Variants in COL4A6 observed in about 807,000 individuals in gnomAD.
The protein encoded by COL4A6 is collagen type IV alpha 6 chain.
In COL4A6, 59 loss-of-function variants were observed where a neutral mutation model predicts 126.7. The observed-to-expected ratio is 0.47, with a 90% CI of 0.38 to 0.58. The LOEUF (loss-of-function observed/expected upper bound fraction) is 0.58, where lower values mean the gene tolerates loss of function less well. COL4A6 is among the 20% of genes least tolerant of loss of function. The probability of loss-of-function intolerance (pLI) is 0.00; values close to 1 mark genes in which losing one functional copy is unlikely to be tolerated. For missense variants in COL4A6, 1,285 were observed against 1,337.3 expected (o/e 0.96, Z 0.61); for synonymous variants, 547 against 496.6 (o/e 1.10, Z -1.35).
intron 2 of COL4A6, among the ~76,000 whole-genome samples, chrX:108,369,831 A>C (rs754502324): frequency 1.3e-3 from 147 of 112,457 alleles, no homozygotes; most frequent in African/African-American, 4.4e-3. Flanking sequence ...CTTTGTCACA[A>C]CTTCTCAACT....
chrX:108,182,268 C>T (rs752312487), intron 23 of COL4A6, among the ~76,000 whole-genome samples: 12 of 112,550 alleles, frequency 1.1e-4, no homozygotes, highest in Admixed American at 1.9e-4. Flanking sequence ...CAGTGTCTAG[C>T]ACTCTGGTAC....
At chrX:108,291,231 T>A (rs1054567786) in intron 3 of COL4A6, among the ~76,000 whole-genome samples, 1 of 112,276 alleles carries the variant, frequency 8.9e-6, no homozygotes, top group African/African-American at 3.2e-5. Context: ...TGGTCTTCTC[T>A]TTCTCTGCAT....
intron 2 of COL4A6, among the ~76,000 whole-genome samples, chrX:108,401,300 T>C (rs1159532185): frequency 1.8e-5 from 2 of 111,047 alleles, no homozygotes; most frequent in Non-Finnish European, 3.8e-5. Flanking sequence ...AAAGTGTTAA[T>C]CACAGTATTA....
chrX:108,188,625 G>C lies in COL4A6; in HGVS notation c.1479C>G (p.Pro493=). 8.4e-7 allele frequency: 1 copy of C among 1,193,739 alleles called. No homozygotes were observed. The highest frequency in any genetic ancestry group is 1.9e-5 in the South Asian group (1 of 52,991). ...CDGGVPNTGP[P]GEPGPPGPWG... ...ATGGACCAGGTGGGCCTGGTTCCCC[G>C]GGTGGTCCAGTGTTGGGAACACCAC... The change falls in exon 21 of 45, where the codon CCC becomes CCG. Residue 493 remains proline, a synonymous_variant. Coordinates refer to ENST00000334504, the MANE Select transcript of COL4A6 (RefSeq NM_033641.4).
chrX:108,375,959 T>A (rs1054054557), intron 2 of COL4A6, among the ~76,000 whole-genome samples: 7 of 111,712 alleles, frequency 6.3e-5, no homozygotes, highest in African/African-American at 2.3e-4. Context: ...CCTTTTGTTA[T>A]CTACATAAAC....
At position 108,271,250 on chromosome X, in the gene COL4A6, TA is replaced by T. The variant is rs764268119; in HGVS notation, c.144+39497del. On this transcript the variant is annotated intron_variant, in intron 3 of 44. Coordinates refer to ENST00000334504, the MANE Select transcript of COL4A6 (RefSeq NM_033641.4). ...ACCAGCCACAAGCTTCATTAACCAA[TA>T]AACTCTTGATGGAAAGCAGGATCTC... Among the ~76,000 whole-genome samples, 6 of 111,459 alleles carry T rather than the reference TA, an allele frequency of 5.4e-5. No individual in the cohort carries two copies. In the South Asian group the frequency reaches 2.3e-3, roughly 42 times the overall value.
At chrX:108,158,206 G>A (rs2033801748) in intron 44 of COL4A6, among the ~76,000 whole-genome samples, 1 of 112,894 alleles carries the variant, frequency 8.9e-6, no homozygotes, top group Admixed American at 9.3e-5. Context: ...GATGAATCAG[G>A]CTTGTCATTG....
Position 108,392,067 on chromosome X carries a change from T to C in COL4A6, c.63+45875A>G, listed in dbSNP as rs1403897153. Among the ~76,000 whole-genome samples, 6 of 112,176 alleles carry C rather than the reference T, an allele frequency of 5.3e-5. No homozygotes were observed. In the South Asian group the frequency reaches 1.9e-3, roughly 35 times the overall value. On this transcript the variant is annotated intron_variant, in intron 2 of 44. Transcript: ENST00000334504. ...GGCGTGGAACAACTGGATATCCACATGCAAGAGAATGAACTCGGACTGCTA... is the reference window on the plus strand; with the variant it reads ...GGCGTGGAACAACTGGATATCCACACGCAAGAGAATGAACTCGGACTGCTA...
chrX:108,386,580 A>G (rs887737678), intron 2 of COL4A6, among the ~76,000 whole-genome samples: 2 of 111,319 alleles, frequency 1.8e-5, no homozygotes, highest in Non-Finnish European at 3.8e-5. Context: ...TTTTCTTGTA[A>G]AATTGTTTAC....
At chrX:108,185,937 A>G (rs1203651582) in intron 23 of COL4A6, among the ~76,000 whole-genome samples, 1 of 112,330 alleles carries the variant, frequency 8.9e-6, no homozygotes, top group Non-Finnish European at 1.9e-5. Flanking sequence ...ACTCCAGGAA[A>G]AGGCAACATG....
chrX:108,253,834 G>C (rs2147686656), intron 3 of COL4A6, among the ~76,000 whole-genome samples: 1 of 111,576 alleles, frequency 9.0e-6, no homozygotes, highest in East Asian at 2.8e-4. Context: ...AGGATTTGTG[G>C]GTTCCTATGG....
intron 2 of COL4A6, among the ~76,000 whole-genome samples, chrX:108,437,556 T>C (rs1413141098): frequency 1.8e-5 from 2 of 111,604 alleles, no homozygotes; most frequent in Non-Finnish European, 3.8e-5. Flanking sequence ...GTTCCACTCC[T>C]TGTGCTCTCC....
intron 18 of COL4A6, 96 bp from the exon 19 acceptor site, chrX:108,191,629 GA>G: frequency 1.0e-6 from 1 of 998,115 alleles, no homozygotes; most frequent in Non-Finnish European, 1.4e-6. Flanking sequence ...ATCCAAGGAA[GA>G]ATTTAGGGAA....
Position 108,327,184 on chromosome X carries a change from C to A in COL4A6, c.64-16356G>T, listed in dbSNP as rs1375539703. On this transcript the variant is annotated intron_variant, in intron 2 of 44. Transcript: ENST00000334504. ...GTCAGATGAGTGGTGGCATTAGATT[C>A]TCATAGGATCACAAATCCTATTGAA... Among the ~76,000 whole-genome samples the A allele has an allele frequency of 3.6e-5, 4 of 110,662 alleles. No individual in the cohort carries two copies. In the East Asian group the frequency reaches 1.1e-3, roughly 31 times the overall value.
intron 3 of COL4A6, among the ~76,000 whole-genome samples, chrX:108,247,813 A>G (rs2036753134): frequency 9.0e-6 from 1 of 111,497 alleles, no homozygotes; most frequent in Non-Finnish European, 1.9e-5. Context: ...AACTTCCTAA[A>G]AGATTAAAGA....
At chrX:108,333,315 T>C (rs757326322) in intron 2 of COL4A6, among the ~76,000 whole-genome samples, 1 of 110,905 alleles carries the variant, frequency 9.0e-6, no homozygotes, top group African/African-American at 3.3e-5. Flanking sequence ...AAAACAAAAA[T>C]CATATAATCA....
intron 2 of COL4A6, among the ~76,000 whole-genome samples, chrX:108,403,595 G>A (rs977102989): frequency 1.8e-5 from 2 of 110,349 alleles, no homozygotes; most frequent in Non-Finnish European, 3.8e-5. Flanking sequence ...TAATAAATGC[G>A]TTGTTCAATT....
chrX:108,394,184 C>G (rs755545080), intron 2 of COL4A6, among the ~76,000 whole-genome samples: 105 of 110,917 alleles, frequency 9.5e-4, no homozygotes, highest in African/African-American at 3.3e-3. Flanking sequence ...AACAGAAAAC[C>G]AAAGACTGCA....
chrX:108,403,233 G>GCGCT (rs780672684), intron 2 of COL4A6, among the ~76,000 whole-genome samples: 9 of 62,351 alleles, frequency 1.4e-4, no homozygotes, highest in African/African-American at 5.4e-4. Flanking sequence ...GCAAAGATTA[G>GCGCT]CTCTCTCTCT....
Sources: allele counts gnomAD v4.1 joint callset (sites outside exome capture counted in the v4.1 genomes callset), GRCh38; gene constraint gnomAD v4.1.1; transcripts MANE v1.5; gene names NCBI Gene and HGNC (gene_info 2026-07-23, HGNC 2026-07-21).